The following SLC35F4 variants were observed in gnomAD, a reference collection of about 807,000 sequenced individuals.
SLC35F4 encodes the protein chromosome 14 open reading frame 36.
Under a neutral mutation model 44.2 loss-of-function variants are expected in SLC35F4, and 24 were observed. The ratio of observed to expected loss-of-function variants is 0.54; its 90% CI spans 0.39 to 0.76. The LOEUF is 0.76. SLC35F4 is among the 30% of genes least tolerant of loss of function. SLC35F4 has a pLI of 0.00. For missense variants in SLC35F4, 562 were observed against 586.1 expected (o/e 0.96, Z 0.42); for synonymous variants, 238 against 223.6 (o/e 1.06, Z -0.57).
At chr14:57,659,129 G>T (rs1242908571) in intron 1 of SLC35F4, among the ~76,000 whole-genome samples, 1 of 152,138 alleles carries the variant, frequency 6.6e-6, no homozygotes, top group Non-Finnish European at 1.5e-5. Context: ...CTCAGGCGTG[G>T]GACTATTCCC....
chr14:57,951,991 G>C (rs1295725499), intron 1 of SLC35F4, among the ~76,000 whole-genome samples: 4 of 152,220 alleles, frequency 2.6e-5, no homozygotes, highest in Admixed American at 6.5e-5. Context: ...TCCTGATTGG[G>C]AAACACCTCC....
At chr14:57,939,631 C>T (rs972849314) in intron 1 of SLC35F4, among the ~76,000 whole-genome samples, 1 of 152,202 alleles carries the variant, frequency 6.6e-6, no homozygotes, top group Non-Finnish European at 1.5e-5. Flanking sequence ...CTGAGCATTT[C>T]TATCCAATAG....
chr14:57,571,914 A>G lies in SLC35F4; in HGVS notation c.913T>C (p.Ser305Pro). The G allele has an allele frequency of 6.2e-7, 1 of 1,612,724 alleles. No homozygotes were observed. Residue 305 changes from serine to proline, a missense_variant, in exon 5 of 8, where the codon TCT (serine) becomes CCT (proline). Coordinates refer to ENST00000556826, the MANE Select transcript of SLC35F4 (RefSeq NM_001306087.2). ...CATACCTTATATAATGCAGATGTAG[A>G]GGCTGAGCCCACCGCAAATGCCACT... ...IGVAFAVGSA[S>P]TSALYKVLFK... is the part of the protein sequence containing the mutation.
chr14:57,741,071 C>G (rs1217469542), intron 1 of SLC35F4, among the ~76,000 whole-genome samples: 1 of 152,192 alleles, frequency 6.6e-6, no homozygotes, highest in African/African-American at 2.4e-5. Context: ...ACTCCAAAAC[C>G]CCATCTGTAC....
intron 1 of SLC35F4, among the ~76,000 whole-genome samples, chr14:57,803,869 C>T (rs1423748179): frequency 1.3e-5 from 2 of 152,022 alleles, no homozygotes; most frequent in Admixed American, 6.6e-5. Flanking sequence ...GGATTACAGA[C>T]GTGAGCCACC....
rs188180484 is a variant in SLC35F4 at position 57,770,876 on chromosome 14, T to C, written c.103+94847A>G. Among the ~76,000 whole-genome samples, 400 of 152,304 alleles carry C rather than the reference T, an allele frequency of 2.6e-3. 1 individual carries two copies. The highest frequency in any genetic ancestry group is 8.8e-3 in the African/African-American group (367 of 41,570). ...CATTTAAAACCATGGGAAGGATTTA[T>C]ACCCAAAACCCTATTTGGTCCTGCA... On this transcript the variant is annotated intron_variant, in intron 1 of 7. Coordinates refer to ENST00000556826, the MANE Select transcript of SLC35F4 (RefSeq NM_001306087.2).
intron 1 of SLC35F4, among the ~76,000 whole-genome samples, chr14:57,889,503 C>T (rs1352548661): frequency 6.6e-6 from 1 of 152,212 alleles, no homozygotes; most frequent in Non-Finnish European, 1.5e-5. Flanking sequence ...GACAAGGAGG[C>T]CCAGGGGCAG....
chr14:57,885,960 C>T (rs1888635578), intron 1 of SLC35F4, among the ~76,000 whole-genome samples: 1 of 151,938 alleles, frequency 6.6e-6, no homozygotes, highest in Non-Finnish European at 1.5e-5. Context: ...GGTGTAAGGA[C>T]TTTGAAAAAA....
rs1388739657 is a variant in SLC35F4 at position 57,911,977 on chromosome 14, ATTGT to A, written n.282+69932_282+69935del. Among the ~76,000 whole-genome samples, 7 of 151,936 alleles carry A rather than the reference ATTGT, an allele frequency of 4.6e-5. No homozygotes were observed. In the East Asian group the frequency reaches 7.7e-4, roughly 17 times the overall value. ...ATTTAACAGGTATAGGCTTAATCAG[ATTGT>A]TTATTTCCTGTTGTATGAATTTCAG... On this transcript the variant is annotated intron_variant and non_coding_transcript_variant, in intron 1 of 1. Transcript: ENST00000556568.
At chr14:57,698,112 T>G (rs1044681049) in intron 1 of SLC35F4, among the ~76,000 whole-genome samples, 1 of 152,208 alleles carries the variant, frequency 6.6e-6, no homozygotes, top group African/African-American at 2.4e-5. Context: ...TGAGTTAATA[T>G]AAACTACTTA....
At chr14:57,936,338 G>T (rs529948494) in intron 1 of SLC35F4, among the ~76,000 whole-genome samples, 1 of 152,136 alleles carries the variant, frequency 6.6e-6, no homozygotes, top group Admixed American at 6.5e-5. Flanking sequence ...TAAACATATC[G>T]TGACAACCTC....
At chr14:57,635,079 GTACC>G (rs981429567) in intron 1 of SLC35F4, among the ~76,000 whole-genome samples, 4 of 151,898 alleles carry the variant, frequency 2.6e-5, no homozygotes, top group Non-Finnish European at 4.4e-5. Context: ...GTGAAACTCT[GTACC>G]TACCAAAAAG....
intron 1 of SLC35F4, among the ~76,000 whole-genome samples, chr14:57,715,423 T>TTA (rs2075916028): frequency 6.6e-6 from 1 of 152,200 alleles, no homozygotes; most frequent in Non-Finnish European, 1.5e-5. Context: ...GGACAATAAA[T>TTA]TATATGGTCC....
chr14:57,845,257 G>A (rs1268509357), intron 1 of SLC35F4, among the ~76,000 whole-genome samples: 2 of 152,200 alleles, frequency 1.3e-5, no homozygotes, highest in Non-Finnish European at 2.9e-5. Context: ...GACAGTTCTG[G>A]GGTCAAATCC....
At chr14:57,712,970 C>A (rs1312579861) in intron 1 of SLC35F4, among the ~76,000 whole-genome samples, 2 of 152,134 alleles carry the variant, frequency 1.3e-5, no homozygotes, top group African/African-American at 4.8e-5. Flanking sequence ...TCCACGCTCT[C>A]AGAAATGGCA....
intron 1 of SLC35F4, among the ~76,000 whole-genome samples, chr14:57,780,423 A>G (rs997888385): frequency 7.9e-5 from 12 of 151,900 alleles, no homozygotes; most frequent in African/African-American, 2.4e-4. Flanking sequence ...ACACTACTCA[A>G]AAAAAAATCG....
chr14:57,774,428 G>A (rs965056344), intron 1 of SLC35F4, among the ~76,000 whole-genome samples: 1 of 152,202 alleles, frequency 6.6e-6, no homozygotes, highest in Non-Finnish European at 1.5e-5. Flanking sequence ...TCCAACTGGT[G>A]CAGAGTCCAG....
At chr14:57,939,764 C>G (rs1963699) in intron 1 of SLC35F4, among the ~76,000 whole-genome samples, 79,594 of 152,032 alleles carry the variant, frequency 0.52, 21,626 homozygotes, top group East Asian at 0.8. Context: ...AGAAGTCTTA[C>G]AGACAAAATA....
intron 1 of SLC35F4, among the ~76,000 whole-genome samples, chr14:57,641,164 T>TTTTTTTTTTTTTTTTTTTTTTTTTG (rs2073216989): frequency 6.6e-6 from 1 of 151,954 alleles, no homozygotes; most frequent in Non-Finnish European, 1.5e-5. Context: ...AGCCTTTTTC[T>TTTTTTTTTTTTTTTTTTTTTTTTTG]ATTCAATATC....
Sources: gnomAD v4.1 joint callset for allele counts (sites outside exome capture counted in the v4.1 genomes callset) on GRCh38, gnomAD v4.1.1 for gene constraint, MANE v1.5 for transcripts, NCBI Gene and HGNC (gene_info 2026-07-23, HGNC 2026-07-21) for gene names.